SRF: variants seen among roughly 807,000 people sequenced by gnomAD.
The protein encoded by SRF is serum response factor.
SRF carries 7 observed loss-of-function variants against 37.1 expected under a neutral mutation model. The observed-to-expected ratio is 0.19, with a 90% CI of 0.11 to 0.35. SRF has a LOEUF of 0.35. SRF is among the 10% of genes least tolerant of loss of function. The probability of loss-of-function intolerance (pLI) is 1.00; values close to 1 mark genes in which losing one functional copy is unlikely to be tolerated. For synonymous variants in SRF, 285 were observed against 310.1 expected (o/e 0.92, Z 0.85); for missense variants, 395 against 694.4 (o/e 0.57, Z 4.85).
Position 43,172,228 on chromosome 6 carries a change from G to T in SRF, c.513+59G>T. The T allele has an allele frequency of 1.3e-6, 2 of 1,566,610 alleles. No homozygotes were observed. The highest frequency in any genetic ancestry group is 1.9e-4 in the Middle Eastern group (1 of 5,296). On this transcript the variant is annotated intron_variant, in intron 1 of 6. Transcript: ENST00000265354. This position sits in a 1 kb window ranked among gnomAD's most constrained non-coding sequence, Gnocchi z 5.7. ...CCGGTTGGGGTGGGGATGTGCAAAGGGAGCCCGGGAGGACCGCAGAGCCGA... is the reference window on the plus strand; with the variant it reads ...CCGGTTGGGGTGGGGATGTGCAAAGTGAGCCCGGGAGGACCGCAGAGCCGA...
Position 43,178,548 on chromosome 6 carries a change from CACACAT to C in SRF, c.1354+69_1354+74del. ...TTCCTTCTTTATACACACACACACA[CACACAT>C]ACACACACATATGCACTGATGCCTA... is the stretch of plus-strand genomic sequence containing the variant. On this transcript the variant is annotated intron_variant, in intron 5 of 6. Transcript: ENST00000265354. This position sits in a 1 kb window ranked among gnomAD's most constrained non-coding sequence, Gnocchi z 4.3. The C allele has an allele frequency of 2.0e-6, 3 of 1,500,272 alleles. No homozygotes were observed. The highest frequency in any genetic ancestry group is 2.7e-6 in the Non-Finnish European group (3 of 1,092,788). 92.9% of individuals were successfully genotyped at this position (1,500,272 alleles called of 1,614,324 possible).
At position 43,175,816 on chromosome 6, in the gene SRF, T is replaced by C. The variant is rs1772187005; in HGVS notation, c.891T>C (p.Phe297=). 6.2e-7 allele frequency: 1 copy of C among 1,613,956 alleles called. No individual in the cohort carries two copies. Among genetic ancestry groups the C allele is most frequent in the Non-Finnish European group, 8.5e-7 (1 of 1,180,014 alleles). The change falls in exon 3 of 7, where the codon TTT becomes TTC. Residue 297 remains phenylalanine, a synonymous_variant. Transcript: ENST00000265354. ...TGCAAGTCAGCAGCGGCCCCTCCTT[T>C]CCCATCACCAACTACCTGGCACCAG... The part of the protein sequence containing the change: ...TTMQVSSGPS[F]PITNYLAPVS...
In SRF at chr6:43,179,608, G is replaced by C. The variant is rs1772270446; in HGVS notation, c.*418G>C. 1 of 246,542 alleles carries C rather than the reference G, an allele frequency of 4.1e-6. No homozygotes were observed. The highest frequency in any genetic ancestry group is 8.1e-6 in the Non-Finnish European group (1 of 123,342). 15.3% of individuals were successfully genotyped at this position (246,542 alleles called of 1,614,324 possible). A position where few individuals can be genotyped will look rare whatever the true frequency, so the allele number is the denominator to read the frequency against. The stretch of plus-strand genomic sequence containing the variant: ...CTTGCCAGCCTCCTTGCTGACCCCA[G>C]GTCAGCCCTGTGTCTGTCACAGGCT... On this transcript the variant is annotated 3_prime_UTR_variant, in exon 7 of 7. Coordinates refer to ENST00000265354, the MANE Select transcript of SRF (RefSeq NM_003131.4). The surrounding 1 kb of genome is among the most constrained non-coding windows in gnomAD (Gnocchi z 5.3).
At position 43,173,996 on chromosome 6, in the gene SRF, G is replaced by A. The variant is rs771109122; in HGVS notation, c.663G>A (p.Ser221=). The A allele has an allele frequency of 9.3e-6, 15 of 1,613,960 alleles. No homozygotes were observed. Among genetic ancestry groups the A allele is most frequent in the Middle Eastern group, 1.6e-4 (1 of 6,084 alleles). ...CACTGATTCAGACCTGCCTCAACTC[G>A]CCAGACTCTCCACCCCGTTCAGACC... ...GKALIQTCLN[S]PDSPPRSDPT... is the part of the protein sequence containing the mutation. Residue 221 remains serine, a synonymous_variant, in exon 2 of 7, where the codon TCG becomes TCA. Coordinates refer to ENST00000265354, the MANE Select transcript of SRF (RefSeq NM_003131.4). The surrounding 1 kb of genome is among the most constrained non-coding windows in gnomAD (Gnocchi z 4.2).
rs1346397112 is a variant in SRF, at chr6:43,177,522, A to G, written c.1163-772A>G. On this transcript the variant is annotated intron_variant, in intron 4 of 6. Coordinates refer to ENST00000265354, the MANE Select transcript of SRF (RefSeq NM_003131.4). ...TGGGATTACAGGCCTGAGCCACCGC[A>G]CCCGGCCCAGAGTCTGTGTTTTAAC... Among the ~76,000 whole-genome samples, 6 of 149,814 alleles carry G rather than the reference A, an allele frequency of 4.0e-5. No individual in the cohort carries two copies. The South Asian group carries it at 1.1e-3, about 27-fold the overall frequency.
intron 4 of SRF, among the ~76,000 whole-genome samples, chr6:43,177,632 G>C (rs899193424): frequency 2.6e-5 from 4 of 151,418 alleles, no homozygotes; most frequent in Admixed American, 1.3e-4. Context: ...GAAGGAGAGA[G>C]AGGCCGGGTG....
chr6:43,174,471 C>T (rs1417787008), intron 2 of SRF, among the ~76,000 whole-genome samples: 3 of 152,240 alleles, frequency 2.0e-5, no homozygotes, highest in African/African-American at 4.8e-5. Flanking sequence ...AGGGAGCACT[C>T]CGGTCCCGGG....
chr6:43,180,734 G>A lies in SRF; in HGVS notation c.*1544G>A, dbSNP rs1474727396. ...AGAAGGGGAGCTTTTTCAGAAACAG[G>A]GCAGCAGTGGGGTGAAATTTTCTTA... On this transcript the variant is annotated 3_prime_UTR_variant, in exon 7 of 7. Coordinates refer to ENST00000265354, the MANE Select transcript of SRF (RefSeq NM_003131.4). The A allele has an allele frequency of 6.6e-6, 1 of 152,424 alleles. No individual in the cohort carries two copies. The highest frequency in any genetic ancestry group is 1.5e-5 in the Non-Finnish European group (1 of 68,036). 9.4% of individuals were successfully genotyped at this position (152,424 alleles called of 1,614,324 possible).
At chr6:43,177,268 C>T (rs529220168) in intron 4 of SRF, among the ~76,000 whole-genome samples, 54 of 134,082 alleles carry the variant, frequency 4.0e-4, no homozygotes, top group Non-Finnish European at 7.1e-4. Flanking sequence ...CGCTCTCTGT[C>T]GCCCAGGCTG....
rs1403855766 is a variant in SRF, at chr6:43,176,563, A to C, written c.1058A>C (p.Gln353Pro). 6.2e-7 allele frequency: 1 copy of C among 1,614,164 alleles called. No individual in the cohort carries two copies. The change falls in exon 4 of 7, where the codon CAG (glutamine) becomes CCG (proline). Residue 353 changes from glutamine (Q) to proline (P), a missense_variant. By Grantham distance (76) the Gln-to-Pro change is moderately conservative (BLOSUM62 -1). This residue lies in a region of SRF where 232 missense variants were observed against 335.6 expected (regional missense o/e 0.69). Coordinates refer to ENST00000265354, the MANE Select transcript of SRF (RefSeq NM_003131.4). This position sits in a 1 kb window ranked among gnomAD's most constrained non-coding sequence, Gnocchi z 4.0. ...TGTCTTGCAGGTGGGGCAGTGGCCCAGCAGGTCCCAGTGCAGGCCATTCAA... is the reference window on the plus strand; with the variant it reads ...TGTCTTGCAGGTGGGGCAGTGGCCCCGCAGGTCCCAGTGCAGGCCATTCAA... ...FTLMPGGAVA[Q>P]QVPVQAIQVH...
chr6:43,171,442 C>G lies in SRF; in HGVS notation c.-215C>G. 1 of 347,624 alleles carries G rather than the reference C, an allele frequency of 2.9e-6. No individual in the cohort carries two copies. Among genetic ancestry groups the G allele is most frequent in the Admixed American group, 5.3e-5 (1 of 18,972 alleles). The allele number at this position is 347,624 out of a possible 1,614,324, so 21.5% of individuals were successfully genotyped here. Reference sequence around the variant, plus strand: ...TAGCAGACGGACAGGGGGCGCTGCGCGCGGCCTGGGGCAACCCGGGCCACA... The same window carrying G: ...TAGCAGACGGACAGGGGGCGCTGCGGGCGGCCTGGGGCAACCCGGGCCACA... On this transcript the variant is annotated 5_prime_UTR_variant, in exon 1 of 7. Coordinates refer to ENST00000265354, the MANE Select transcript of SRF (RefSeq NM_003131.4). The surrounding 1 kb of genome is among the most constrained non-coding windows in gnomAD (Gnocchi z 6.5).
chr6:43,178,617 C>T lies in SRF; in HGVS notation c.1354+132C>T. Reference sequence around the variant, plus strand: ...CCCAAATACAACACAGACTTGGATGCTCACACACACATTTGGACACCCCAC... The same window carrying T: ...CCCAAATACAACACAGACTTGGATGTTCACACACACATTTGGACACCCCAC... On this transcript the variant is annotated intron_variant, in intron 5 of 6. Transcript: ENST00000265354. The surrounding 1 kb of genome is among the most constrained non-coding windows in gnomAD (Gnocchi z 4.3). 1.5e-6 allele frequency: 2 copies of T among 1,327,972 alleles called. No individual in the cohort carries two copies. The highest frequency in any genetic ancestry group is 2.1e-6 in the Non-Finnish European group (2 of 951,220). The allele number at this position is 1,327,972 out of a possible 1,614,324, so 82.3% of individuals were successfully genotyped here.
chr6:43,171,920 G>A lies in SRF; in HGVS notation c.264G>A (p.Glu88=). 6.9e-7 allele frequency: 1 copy of A among 1,454,534 alleles called. No homozygotes were observed. The highest frequency in any genetic ancestry group is 9.1e-7 in the Non-Finnish European group (1 of 1,104,686). 90.1% of individuals were successfully genotyped at this position (1,454,534 alleles called of 1,614,324 possible). A position where few individuals can be genotyped will look rare whatever the true frequency, so the allele number is the denominator to read the frequency against. The part of the protein sequence containing the change: ...GSEGDSESGE[E]EELGAERRGL... ...AGGGCGACTCGGAGTCGGGCGAGGAGGAGGAGCTGGGCGCCGAGCGGCGCG... is the reference window on the plus strand; with the variant it reads ...AGGGCGACTCGGAGTCGGGCGAGGAAGAGGAGCTGGGCGCCGAGCGGCGCG... Residue 88 remains glutamate (E), a synonymous_variant, in exon 1 of 7, where the codon GAG becomes GAA. Coordinates refer to ENST00000265354, the MANE Select transcript of SRF (RefSeq NM_003131.4). This position sits in a 1 kb window ranked among gnomAD's most constrained non-coding sequence, Gnocchi z 6.5.
chr6:43,179,286 A>G lies in SRF; in HGVS notation c.*96A>G. The stretch of plus-strand genomic sequence containing the variant: ...CTTTACACACACGTTGACGGGCCGC[A>G]GGAGGGAGGCGGGGAGGAGGAACGG... On this transcript the variant is annotated 3_prime_UTR_variant, in exon 7 of 7. Coordinates refer to ENST00000265354, the MANE Select transcript of SRF (RefSeq NM_003131.4). This position sits in a 1 kb window ranked among gnomAD's most constrained non-coding sequence, Gnocchi z 5.3. 1.5e-6 allele frequency: 2 copies of G among 1,350,350 alleles called. No individual in the cohort carries two copies. The highest frequency in any genetic ancestry group is 2.1e-6 in the Non-Finnish European group (2 of 965,196). 83.6% of individuals were successfully genotyped at this position (1,350,350 alleles called of 1,614,324 possible). A position where few individuals can be genotyped will look rare whatever the true frequency, so the allele number is the denominator to read the frequency against.
In SRF at chr6:43,180,520, A is replaced by T. The variant is rs2150499086; in HGVS notation, c.*1330A>T. On this transcript the variant is annotated 3_prime_UTR_variant, in exon 7 of 7. Coordinates refer to ENST00000265354, the MANE Select transcript of SRF (RefSeq NM_003131.4). ...AGTGAGCAGCTACTGTAACTTTTTT[A>T]AATTAAGACAAAAAGCCTTGAAGAA... The T allele has an allele frequency of 6.5e-6, 1 of 152,790 alleles. No homozygotes were observed. Among genetic ancestry groups the T allele is most frequent in the South Asian group, 2.1e-4 (1 of 4,836 alleles). 9.5% of individuals were successfully genotyped at this position (152,790 alleles called of 1,614,324 possible).
rs376272545 is a variant in SRF, at chr6:43,176,502, G to A, written c.1043-46G>A. 4.3e-5 allele frequency: 69 copies of A among 1,607,476 alleles called. No individual in the cohort carries two copies. Among genetic ancestry groups the A allele is most frequent in the Non-Finnish European group, 5.8e-5 (68 of 1,175,160 alleles). On this transcript the variant is annotated intron_variant, in intron 3 of 6. Coordinates refer to ENST00000265354, the MANE Select transcript of SRF (RefSeq NM_003131.4). This position sits in a 1 kb window ranked among gnomAD's most constrained non-coding sequence, Gnocchi z 4.0. Reference sequence around the variant, plus strand: ...GTGTCCATGGGTACTTGGTGGAGGTGGCAATTGGGTGGGACAGAGCACAAA... The same window carrying A: ...GTGTCCATGGGTACTTGGTGGAGGTAGCAATTGGGTGGGACAGAGCACAAA...
At position 43,172,262 on chromosome 6, in the gene SRF, T is replaced by A. The variant is rs1582251841; in HGVS notation, c.513+93T>A. Reference sequence around the variant, plus strand: ...GAGGACCGCAGAGCCGAGGCGGAGGTGAGAGGCTGCGAGTCCGCAGGAGGT... The same window carrying A: ...GAGGACCGCAGAGCCGAGGCGGAGGAGAGAGGCTGCGAGTCCGCAGGAGGT... On this transcript the variant is annotated intron_variant, in intron 1 of 6. Coordinates refer to ENST00000265354, the MANE Select transcript of SRF (RefSeq NM_003131.4). This position sits in a 1 kb window ranked among gnomAD's most constrained non-coding sequence, Gnocchi z 5.7. 6.8e-7 allele frequency: 1 copy of A among 1,477,658 alleles called. No individual in the cohort carries two copies. The highest frequency in any genetic ancestry group is 2.2e-5 in the Admixed American group (1 of 45,442). The allele number at this position is 1,477,658 out of a possible 1,614,324, so 91.5% of individuals were successfully genotyped here.
Position 43,178,586 on chromosome 6 carries a change from T to C in SRF, c.1354+101T>C. On this transcript the variant is annotated intron_variant, in intron 5 of 6. Coordinates refer to ENST00000265354, the MANE Select transcript of SRF (RefSeq NM_003131.4). The surrounding 1 kb of genome is among the most constrained non-coding windows in gnomAD (Gnocchi z 4.3). ...ACATATGCACTGATGCCTACAAATA[T>C]TTCTACCCAAATACAACACAGACTT... is the stretch of plus-strand genomic sequence containing the variant. 7.0e-7 allele frequency: 1 copy of C among 1,438,476 alleles called. No individual in the cohort carries two copies. Among genetic ancestry groups the C allele is most frequent in the Non-Finnish European group, 9.5e-7 (1 of 1,050,686 alleles). The allele number at this position is 1,438,476 out of a possible 1,614,324, so 89.1% of individuals were successfully genotyped here.
In SRF at chr6:43,172,649, C is replaced by T. The variant is rs957249235; in HGVS notation, c.513+480C>T. Among the ~76,000 whole-genome samples, 1 of 152,120 alleles carries T rather than the reference C, an allele frequency of 6.6e-6. No individual in the cohort carries two copies. Among genetic ancestry groups the T allele is most frequent in the Non-Finnish European group, 1.5e-5 (1 of 68,028 alleles). ...CATGTGTGGGAGGAAGTGGGCACCA[C>T]GAGAGTAGTGCTGGTTGGAAGGACA... On this transcript the variant is annotated intron_variant, in intron 1 of 6. Transcript: ENST00000265354. This position sits in a 1 kb window ranked among gnomAD's most constrained non-coding sequence, Gnocchi z 5.7.
Sources: allele counts gnomAD v4.1 joint callset (sites outside exome capture counted in the v4.1 genomes callset), GRCh38; gene constraint gnomAD v4.1.1; regional missense constraint gnomAD v4.1.1; non-coding constraint Gnocchi (gnomAD v3.1); transcripts MANE v1.5; gene names NCBI Gene and HGNC (gene_info 2026-07-23, HGNC 2026-07-21).